ATP11B: variants seen among roughly 807,000 people sequenced by gnomAD.
The protein encoded by ATP11B is phospholipid-transporting ATPase IF.
A neutral mutation model predicts 157.8 loss-of-function variants in ATP11B; 81 were observed. The observed-to-expected ratio is 0.51, with a 90% CI of 0.43 to 0.62. ATP11B has a LOEUF of 0.62. ATP11B is among the 20% of genes least tolerant of loss of function. The pLI, the probability that ATP11B is intolerant of heterozygous loss-of-function variation, is 0.00. For synonymous variants in ATP11B, 451 were observed against 469.4 expected (o/e 0.96, Z 0.51); for missense variants, 1,165 against 1,402.2 (o/e 0.83, Z 2.70).
At chr3:182,852,007 A>G (rs908764333) in intron 10 of ATP11B, among the ~76,000 whole-genome samples, 1 of 152,234 alleles carries the variant, frequency 6.6e-6, no homozygotes, top group Admixed American at 6.5e-5. Flanking sequence ...ATAATTATAC[A>G]TGGAAAGTTC....
chr3:182,868,812 A>C (rs1000261570), intron 15 of ATP11B, among the ~76,000 whole-genome samples: 1 of 152,178 alleles, frequency 6.6e-6, no homozygotes, highest in South Asian at 2.1e-4. Flanking sequence ...TAAAAATGAG[A>C]TAAGACCTAC....
chr3:182,796,835 C>T (rs1336556358), intron 1 of ATP11B, among the ~76,000 whole-genome samples: 1 of 152,198 alleles, frequency 6.6e-6, no homozygotes, highest in African/African-American at 2.4e-5. Flanking sequence ...TTAAGATTGA[C>T]TAGCCCAGAA....
chr3:182,844,173 A>G (rs943111798), intron 8 of ATP11B: 3 of 152,228 alleles, frequency 2.0e-5, no homozygotes, highest in Admixed American at 2.0e-4. Flanking sequence ...CCAATTTTAC[A>G]TGCCAGTGTG....
At chr3:182,832,686 G>C (rs1718244304) in intron 4 of ATP11B, among the ~76,000 whole-genome samples, 1 of 152,098 alleles carries the variant, frequency 6.6e-6, no homozygotes, top group Non-Finnish European at 1.5e-5. Flanking sequence ...CTTGTTTTTA[G>C]CTTCTCCCAA....
At chr3:182,808,736 C>CT (rs1716477071) in intron 1 of ATP11B, among the ~76,000 whole-genome samples, 1 of 151,914 alleles carries the variant, frequency 6.6e-6, no homozygotes, top group Non-Finnish European at 1.5e-5. Flanking sequence ...TAAACATAAA[C>CT]TTTATTTTAG....
At chr3:182,851,286 A>G (rs1719957164) in intron 10 of ATP11B, among the ~76,000 whole-genome samples, 1 of 152,202 alleles carries the variant, frequency 6.6e-6, no homozygotes, top group African/African-American at 2.4e-5. Flanking sequence ...GCGAGACTCC[A>G]TCTCAAAAAA....
intron 2 of ATP11B, among the ~76,000 whole-genome samples, chr3:182,822,444 A>C (rs1717424658): frequency 6.6e-6 from 1 of 152,200 alleles, no homozygotes; most frequent in African/African-American, 2.4e-5. Context: ...AAAGGACATG[A>C]ACTCATCCTT....
intron 2 of ATP11B, among the ~76,000 whole-genome samples, chr3:182,825,179 C>G (rs182609926): frequency 5.9e-5 from 9 of 152,270 alleles, no homozygotes; most frequent in Non-Finnish European, 1.0e-4. Flanking sequence ...AATGTTCTCC[C>G]TTATTTGCCC....
Position 182,887,809 on chromosome 3 carries a change from A to G in ATP11B, c.2843+96A>G, listed in dbSNP as rs1043413182. ...CTTGGTGATTAATGCTTTACTAAGG[A>G]AAGTTCTTTAGTTGTCGTATGATTT... On this transcript the variant is annotated intron_variant, in intron 24 of 29. Coordinates refer to ENST00000323116, the MANE Select transcript of ATP11B (RefSeq NM_014616.3). 4.2e-5 allele frequency: 54 copies of G among 1,296,672 alleles called. 1 individual carries two copies. The East Asian group carries it at 1.3e-3, about 32-fold the overall frequency. 80.3% of individuals were successfully genotyped at this position (1,296,672 alleles called of 1,614,324 possible). A position where few individuals can be genotyped will look rare whatever the true frequency, so the allele number is the denominator to read the frequency against.
At position 182,906,035 on chromosome 3, in the gene ATP11B, C is replaced by G. The variant is rs903674784; in HGVS notation, c.3318+7263C>G. ...TTTCTTTACTAATTCCTTCACTGTT[C>G]CTCATATGTTGTTTTAGTTTCGTTG... On this transcript the variant is annotated intron_variant, in intron 28 of 29. Transcript: ENST00000323116. The G allele has an allele frequency of 9.1e-6, 3 of 328,364 alleles. No homozygotes were observed. The Admixed American group carries it at 1.1e-4, about 12-fold the overall frequency. The allele number at this position is 328,364 out of a possible 1,614,324, so 20.3% of individuals were successfully genotyped here.
chr3:182,887,630 T>C lies in ATP11B; in HGVS notation c.2760T>C (p.Phe920=). 1 of 1,612,820 alleles carries C rather than the reference T, an allele frequency of 6.2e-7. No individual in the cohort carries two copies. The highest frequency in any genetic ancestry group is 8.5e-7 in the Non-Finnish European group (1 of 1,179,484). The change falls in exon 24 of 30, where the codon TTT becomes TTC. Residue 920 remains phenylalanine (F), a synonymous_variant. Coordinates refer to ENST00000323116, the MANE Select transcript of ATP11B (RefSeq NM_014616.3). Reference sequence around the variant, plus strand: ...ACCTGACTTTATACAATATTTGTTTTACTTCCCTACCTATTCTGATATATA... The same window carrying C: ...ACCTGACTTTATACAATATTTGTTTCACTTCCCTACCTATTCTGATATATA... ...SVYLTLYNIC[F]TSLPILIYSL...
rs866110460 is a variant in ATP11B, at chr3:182,906,961, C to T, written c.3319-6900C>T. ...AGCAAAAATTAACTAGGTGTGGTGG[C>T]GGATGCCTGCAGTCCCAGCTACTCG... On this transcript the variant is annotated intron_variant, in intron 28 of 29. Coordinates refer to ENST00000323116, the MANE Select transcript of ATP11B (RefSeq NM_014616.3). 5.9e-5 allele frequency among the ~76,000 whole-genome samples: 9 copies of T among 151,818 alleles called. 1 individual carries two copies. The highest frequency in any genetic ancestry group is 6.8e-3 in the Middle Eastern group (2 of 294).
At chr3:182,876,984 A>T (rs1346449207) in intron 19 of ATP11B, among the ~76,000 whole-genome samples, 1 of 152,240 alleles carries the variant, frequency 6.6e-6, no homozygotes, top group Non-Finnish European at 1.5e-5. Context: ...CTAAATCTTG[A>T]TAAAAATCTG....
chr3:182,862,859 G>A (rs1720948319), intron 12 of ATP11B, among the ~76,000 whole-genome samples: 1 of 151,414 alleles, frequency 6.6e-6, no homozygotes, highest in African/African-American at 2.4e-5. Context: ...AAGAGAACCA[G>A]AGATAATTAA....
chr3:182,865,806 C>T (rs1721187209), intron 13 of ATP11B, 108 bp downstream of exon 13: 3 of 797,926 alleles, frequency 3.8e-6, no homozygotes, highest in Admixed American at 6.0e-5. Flanking sequence ...AAGGAATATA[C>T]ATTTGAAATT....
At chr3:182,859,827 GT>G (rs1284766713) in intron 12 of ATP11B, among the ~76,000 whole-genome samples, 7 of 151,764 alleles carry the variant, frequency 4.6e-5, no homozygotes, top group Non-Finnish European at 1.0e-4. Flanking sequence ...TATTTGCTCT[GT>G]TTTTTCATTT....
intron 15 of ATP11B, among the ~76,000 whole-genome samples, chr3:182,868,421 T>G (rs1003428470): frequency 2.0e-5 from 3 of 151,176 alleles, no homozygotes; most frequent in African/African-American, 7.3e-5. Flanking sequence ...AAACCATTAT[T>G]CAACTCACTG....
intron 28 of ATP11B, among the ~76,000 whole-genome samples, chr3:182,900,187 C>T (rs1379857563): frequency 6.6e-6 from 1 of 152,136 alleles, no homozygotes; most frequent in African/African-American, 2.4e-5. Flanking sequence ...CACATTCACA[C>T]CATTGAGACA....
intron 1 of ATP11B, among the ~76,000 whole-genome samples, chr3:182,810,955 T>C (rs1208702688): frequency 2.0e-5 from 3 of 152,194 alleles, no homozygotes; most frequent in Non-Finnish European, 4.4e-5. Context: ...AATAAGTTGC[T>C]TATACAAGTA....
Sources: allele counts gnomAD v4.1 joint callset (sites outside exome capture counted in the v4.1 genomes callset), GRCh38; gene constraint gnomAD v4.1.1; transcripts MANE v1.5; gene names NCBI Gene and HGNC (gene_info 2026-07-23, HGNC 2026-07-21).